The following CAST variants were observed in gnomAD, a reference collection of about 807,000 sequenced individuals.
The protein encoded by CAST is MIR583 host.
CAST carries 76 observed loss-of-function variants against 119.6 expected under a neutral mutation model. The observed-to-expected ratio is 0.64, with a 90% CI of 0.53 to 0.77. CAST has a LOEUF of 0.77. Among genes scored for constraint, CAST ranks in the 30% least tolerant of loss-of-function variants. The pLI is 0.00. For missense variants in CAST, 953 were observed against 946.5 expected (o/e 1.01, Z -0.09); for synonymous variants, 319 against 331.6 (o/e 0.96, Z 0.41).
the CAST span, among the ~76,000 whole-genome samples, chr5:96,495,304 G>A: frequency 6.6e-6 from 1 of 151,996 alleles, no homozygotes; most frequent in Non-Finnish European, 1.5e-5. Context: ...AGAACATGCA[G>A]GTTAGTTACA....
the CAST span, among the ~76,000 whole-genome samples, chr5:96,345,391 G>T: frequency 6.6e-6 from 1 of 152,088 alleles, no homozygotes; most frequent in Non-Finnish European, 1.5e-5. Flanking sequence ...TTTGTGGTTG[G>T]AGAGATTGTA....
upstream of CAST, among the ~76,000 whole-genome samples, chr5:96,525,734 T>TA (rs1745588098): frequency 6.6e-6 from 1 of 152,168 alleles, no homozygotes; most frequent in Non-Finnish European, 1.5e-5. Context: ...ATAAGCATCA[T>TA]AGGAAACCAA....
the CAST span, among the ~76,000 whole-genome samples, chr5:96,154,748 TG>T: frequency 6.6e-6 from 1 of 152,212 alleles, no homozygotes. Flanking sequence ...AACTGGGATT[TG>T]TCTGGTGTTT....
the CAST span, among the ~76,000 whole-genome samples, chr5:96,137,099 G>A: frequency 1.3e-5 from 2 of 152,050 alleles, no homozygotes; most frequent in South Asian, 2.1e-4. Context: ...TGCTGTAAAG[G>A]TTTGGACCAA....
chr5:96,412,788 G>T, the CAST span: 2 of 251,862 alleles, frequency 7.9e-6, no homozygotes, highest in South Asian at 8.7e-5. Flanking sequence ...TCCCACTCAA[G>T]GCTCTCTTCC....
intron 1 of CAST, among the ~76,000 whole-genome samples, chr5:96,656,662 C>T (rs950715033): frequency 6.6e-6 from 1 of 152,066 alleles, no homozygotes; most frequent in Non-Finnish European, 1.5e-5. Context: ...AAAACCTGCC[C>T]GTTTGGGTCA....
the CAST span, among the ~76,000 whole-genome samples, chr5:96,434,384 A>T: frequency 6.6e-6 from 1 of 152,036 alleles, no homozygotes; most frequent in East Asian, 1.9e-4. Context: ...AGCACCAAAG[A>T]CCTCCACCCT....
At chr5:96,092,700 G>C in the CAST span, among the ~76,000 whole-genome samples, 1 of 152,188 alleles carries the variant, frequency 6.6e-6, no homozygotes, top group Non-Finnish European at 1.5e-5. Flanking sequence ...CTAATATTGT[G>C]ATTATAAAGG....
At chr5:96,306,087 T>C in the CAST span, among the ~76,000 whole-genome samples, 1 of 152,206 alleles carries the variant, frequency 6.6e-6, no homozygotes, top group Admixed American at 6.5e-5. Context: ...TAGACTTTTT[T>C]TGGTTGGTGG....
the CAST span, among the ~76,000 whole-genome samples, chr5:96,200,317 A>T: frequency 6.6e-5 from 10 of 152,290 alleles, no homozygotes; most frequent in African/African-American, 2.4e-4. Flanking sequence ...CTCTCTATAG[A>T]TATGTCTATT....
chr5:96,715,907 C>T (rs563937617), intron 3 of CAST, among the ~76,000 whole-genome samples: 183 of 152,204 alleles, frequency 1.2e-3, no homozygotes, highest in Non-Finnish European at 1.9e-3. Context: ...GATGGCTGAA[C>T]TTCATTCATA....
At chr5:96,001,807 G>A in the CAST span, among the ~76,000 whole-genome samples, 3 of 152,150 alleles carry the variant, frequency 2.0e-5, no homozygotes, top group Non-Finnish European at 4.4e-5. Flanking sequence ...TATACTTCCT[G>A]AGGTTTCTTT....
Position 96,625,513 on chromosome 5 carries a change from A to G in CAST, c.61-50026A>G, listed in dbSNP as rs769385324. ...ATCTGGAGTCTTGGGCATTTCCCCT[A>G]TCCTCTCTGTGCTTCCAGTTTCTCA... On this transcript the variant is annotated intron_variant, in intron 1 of 11. Transcript: ENST00000505143. Among the ~76,000 whole-genome samples, 29 of 152,174 alleles carry G rather than the reference A, an allele frequency of 1.9e-4. 1 individual carries two copies. The highest frequency in any genetic ancestry group is 3.5e-4 in the Non-Finnish European group (24 of 68,024).
the CAST span, among the ~76,000 whole-genome samples, chr5:96,498,233 G>T: frequency 2.0e-5 from 3 of 152,120 alleles, no homozygotes; most frequent in African/African-American, 4.8e-5. Context: ...CTGTGTTTTG[G>T]TACCAGTACC....
chr5:96,004,224 G>A, the CAST span, among the ~76,000 whole-genome samples: 1 of 152,154 alleles, frequency 6.6e-6, no homozygotes, highest in African/African-American at 2.4e-5. Context: ...GTGGCTAATT[G>A]TTATCATTAA....
chr5:96,467,448 T>A, the CAST span, among the ~76,000 whole-genome samples: 1 of 152,104 alleles, frequency 6.6e-6, no homozygotes. Context: ...TCTTCTAGTC[T>A]TTGTATGGTT....
At chr5:96,003,955 A>T in the CAST span, among the ~76,000 whole-genome samples, 1 of 152,204 alleles carries the variant, frequency 6.6e-6, no homozygotes, top group Non-Finnish European at 1.5e-5. Context: ...TCTTTTTTTC[A>T]TACTCATAAA....
chr5:96,135,285 A>G, the CAST span, among the ~76,000 whole-genome samples: 50,856 of 152,070 alleles, frequency 0.33, 8,884 homozygotes, highest in African/African-American at 0.43. Context: ...GAATTATCTT[A>G]AAGTCAGCCA....
At chr5:96,159,393 A>G in the CAST span, among the ~76,000 whole-genome samples, 18 of 152,284 alleles carry the variant, frequency 1.2e-4, no homozygotes, top group South Asian at 3.3e-3. Flanking sequence ...ACTTGTCTAT[A>G]TTGGAATTTT....
Sources: gnomAD v4.1 joint callset for allele counts (sites outside exome capture counted in the v4.1 genomes callset) on GRCh38, gnomAD v4.1.1 for gene constraint, MANE v1.5 for transcripts, NCBI Gene and HGNC (gene_info 2026-07-23, HGNC 2026-07-21) for gene names.